SMIM21: variants seen among roughly 807,000 people sequenced by gnomAD.
The protein encoded by SMIM21 is chromosome 18 open reading frame 62.
In SMIM21, 8 loss-of-function variants were observed where a neutral mutation model predicts 8.6. That is an observed-to-expected ratio of 0.93 (90% CI 0.55 to 1.68). The LOEUF is 1.68. SMIM21 is among the 40% of genes most tolerant of loss of function. The pLI is 0.00. For missense variants in SMIM21, 132 were observed against 123.0 expected (o/e 1.07, Z -0.35); for synonymous variants, 43 against 41.7 (o/e 1.03, Z -0.12).
intron 2 of SMIM21, among the ~76,000 whole-genome samples, chr18:75,411,564 G>A (rs2024585164): frequency 6.6e-6 from 1 of 152,208 alleles, no homozygotes; most frequent in Admixed American, 6.5e-5. Flanking sequence ...AGGGACAGAG[G>A]CCTGGAGACA....
intron 2 of SMIM21, among the ~76,000 whole-genome samples, chr18:75,412,068 A>C (rs180826226): frequency 3.3e-5 from 5 of 152,218 alleles, no homozygotes; most frequent in African/African-American, 4.8e-5. Flanking sequence ...AGTTCTTGGC[A>C]TAGAACATGG....
chr18:75,422,157 G>A (rs1391853421), intron 1 of SMIM21, among the ~76,000 whole-genome samples: 1 of 152,140 alleles, frequency 6.6e-6, no homozygotes, highest in African/African-American at 2.4e-5. Context: ...CTGTGTAAGA[G>A]AGGCCAGTGG....
At chr18:75,412,120 C>T (rs1267963379) in intron 2 of SMIM21, among the ~76,000 whole-genome samples, 1 of 152,210 alleles carries the variant, frequency 6.6e-6, no homozygotes. Context: ...CCAAGGCTTC[C>T]TGAGCTTCCA....
chr18:75,419,256 G>A (rs940221018), intron 1 of SMIM21, among the ~76,000 whole-genome samples: 7 of 152,096 alleles, frequency 4.6e-5, no homozygotes, highest in Non-Finnish European at 7.4e-5. Flanking sequence ...GGTTTCTCAC[G>A]GCTTTTAAAT....
intron 1 of SMIM21, among the ~76,000 whole-genome samples, chr18:75,425,593 C>A (rs1381575072): frequency 6.6e-6 from 1 of 152,176 alleles, no homozygotes; most frequent in Non-Finnish European, 1.5e-5. Context: ...TTTTCCTTGT[C>A]AACATTTTGT....
chr18:75,422,436 A>G (rs1235776043), intron 1 of SMIM21, among the ~76,000 whole-genome samples: 1 of 152,186 alleles, frequency 6.6e-6, no homozygotes, highest in Non-Finnish European at 1.5e-5. Context: ...TAGGGTTATC[A>G]TACAACATAG....
In SMIM21 at chr18:75,409,660, T is replaced by TGC. The variant is rs35114340; in HGVS notation, c.*1203_*1204insGC. 1 of 12,936 alleles carries TGC rather than the reference T, an allele frequency of 7.7e-5. No homozygotes were observed. Among genetic ancestry groups the TGC allele is most frequent in the Non-Finnish European group, 1.3e-4 (1 of 7,852 alleles). 0.8% of individuals were successfully genotyped at this position (12,936 alleles called of 1,614,324 possible). A position where few individuals can be genotyped will look rare whatever the true frequency, so the allele number is the denominator to read the frequency against. On this transcript the variant is annotated 3_prime_UTR_variant, in exon 3 of 3. Transcript: ENST00000579022. The stretch of plus-strand genomic sequence containing the variant: ...ACTGTTCCATCGGTGACAAGAACTC[T>TGC]GTGTGTGTGTGTGTGTGTGTATGTG...
intron 2 of SMIM21, among the ~76,000 whole-genome samples, chr18:75,412,795 A>G (rs959379814): frequency 2.0e-5 from 3 of 152,160 alleles, no homozygotes; most frequent in Non-Finnish European, 1.5e-5. Context: ...CCCCACTCCT[A>G]GTAAAATACT....
intron 2 of SMIM21, among the ~76,000 whole-genome samples, chr18:75,413,485 A>G (rs993162971): frequency 6.6e-6 from 1 of 152,142 alleles, no homozygotes; most frequent in African/African-American, 2.4e-5. Flanking sequence ...TTTGCTGCTG[A>G]ACTCTTCTTT....
Position 75,410,761 on chromosome 18 carries a change from TA to T in SMIM21, c.*102del. 1 of 1,560,150 alleles carries T rather than the reference TA, an allele frequency of 6.4e-7. No homozygotes were observed. Among genetic ancestry groups the T allele is most frequent in the Non-Finnish European group, 8.7e-7 (1 of 1,155,984 alleles). On this transcript the variant is annotated 3_prime_UTR_variant, in exon 3 of 3. Transcript: ENST00000579022. ...GGAGCTCCTTTTAAAAAGTGAGCAA[TA>T]ATCTGCTATCTCTAAGCAATCTGAT... is the stretch of plus-strand genomic sequence containing the variant.
chr18:75,409,882 C>A lies in SMIM21; in HGVS notation c.*982G>T, dbSNP rs771259560. On this transcript the variant is annotated 3_prime_UTR_variant, in exon 3 of 3. Coordinates refer to ENST00000579022, the MANE Select transcript of SMIM21 (RefSeq NM_001037331.3). ...GAATCCCTGGCTCCCCAGCCGGACT[C>A]TTCAGTGCACAGCTGCCACAGGCAA... The A allele has an allele frequency of 2.0e-5, 3 of 152,658 alleles. No homozygotes were observed. Among genetic ancestry groups the A allele is most frequent in the Non-Finnish European group, 2.9e-5 (2 of 68,080 alleles). 9.5% of individuals were successfully genotyped at this position (152,658 alleles called of 1,614,324 possible). A position where few individuals can be genotyped will look rare whatever the true frequency, so the allele number is the denominator to read the frequency against.
At position 75,410,548 on chromosome 18, in the gene SMIM21, T is replaced by G; in HGVS notation, c.*316A>C. The G allele has an allele frequency of 2.4e-6, 1 of 415,296 alleles. No individual in the cohort carries two copies. The allele number at this position is 415,296 out of a possible 1,614,324, so 25.7% of individuals were successfully genotyped here. On this transcript the variant is annotated 3_prime_UTR_variant, in exon 3 of 3. Transcript: ENST00000579022. ...GCAATTGAAAATATGACTACAGGCTTGATGTCCTAATGAAGAAGTTCTTTG... is the reference window on the plus strand; with the variant it reads ...GCAATTGAAAATATGACTACAGGCTGGATGTCCTAATGAAGAAGTTCTTTG...
chr18:75,414,120 C>T (rs7506181), intron 2 of SMIM21, among the ~76,000 whole-genome samples: 62,364 of 127,424 alleles, frequency 0.49, 15,230 homozygotes, highest in East Asian at 0.75. Context: ...CACACACACA[C>T]ATACACACAC....
At chr18:75,416,086 T>C (rs1309445261) in intron 2 of SMIM21, 3 of 152,256 alleles carry the variant, frequency 2.0e-5, no homozygotes, top group African/African-American at 7.2e-5. Context: ...CCAAAGGGTA[T>C]GCAAATATAT....
At chr18:75,415,609 C>T (rs1298716733) in intron 2 of SMIM21, among the ~76,000 whole-genome samples, 1 of 152,198 alleles carries the variant, frequency 6.6e-6, no homozygotes, top group Non-Finnish European at 1.5e-5. Flanking sequence ...TCAGAGATCA[C>T]CACCACTAAC....
At chr18:75,422,592 C>G (rs2024720834) in intron 1 of SMIM21, among the ~76,000 whole-genome samples, 2 of 152,086 alleles carry the variant, frequency 1.3e-5, no homozygotes, top group Non-Finnish European at 2.9e-5. Flanking sequence ...AATGGATATA[C>G]TAAATTTGAT....
intron 2 of SMIM21, among the ~76,000 whole-genome samples, chr18:75,411,793 G>T (rs1167640783): frequency 6.6e-6 from 1 of 152,102 alleles, no homozygotes; most frequent in Non-Finnish European, 1.5e-5. Flanking sequence ...TTATTCATAG[G>T]ATTAATTTCA....
At chr18:75,413,300 T>C (rs567920935) in intron 2 of SMIM21, among the ~76,000 whole-genome samples, 16 of 152,332 alleles carry the variant, frequency 1.1e-4, no homozygotes, top group African/African-American at 3.6e-4. Flanking sequence ...ACCCAGTCCA[T>C]CTCCAGGCTT....
At chr18:75,411,486 G>A (rs2024584513) in intron 2 of SMIM21, among the ~76,000 whole-genome samples, 1 of 152,220 alleles carries the variant, frequency 6.6e-6, no homozygotes, top group South Asian at 2.1e-4. Flanking sequence ...ATGAGACTGT[G>A]AGATGTGTCC....
Sources: allele counts gnomAD v4.1 joint callset (sites outside exome capture counted in the v4.1 genomes callset), GRCh38; gene constraint gnomAD v4.1.1; transcripts MANE v1.5; gene names NCBI Gene and HGNC (gene_info 2026-07-23, HGNC 2026-07-21).